The following EED variants were observed in gnomAD, a reference collection of about 807,000 sequenced individuals.
EED encodes the protein polycomb protein EED.
Under a neutral mutation model 61.0 loss-of-function variants are expected in EED, and 9 were observed. The ratio of observed to expected loss-of-function variants is 0.15; its 90% confidence interval spans 0.09 to 0.26. The LOEUF is 0.26. Ranked by LOEUF, EED falls within the 10% of genes least tolerant of loss-of-function variation. EED has a pLI of 1.00. For synonymous variants in EED, 187 were observed against 174.4 expected (o/e 1.07, Z -0.57); for missense variants, 315 against 542.3 (o/e 0.58, Z 4.16).
At chr11:86,275,596 C>T (rs1012961247) in intron 9 of EED, among the ~76,000 whole-genome samples, 3 of 152,180 alleles carry the variant, frequency 2.0e-5, no homozygotes, top group African/African-American at 7.2e-5. Flanking sequence ...TCCAGGGACT[C>T]CAGTACTTAA....
At chr11:86,253,623 A>AT (rs1451081275) in intron 3 of EED, among the ~76,000 whole-genome samples, 1 of 152,226 alleles carries the variant, frequency 6.6e-6, no homozygotes, top group African/African-American at 2.4e-5. Context: ...CATATAAAGA[A>AT]TTTTTTTTGA....
At chr11:86,261,480 C>A (rs1357838318) in intron 6 of EED, among the ~76,000 whole-genome samples, 1 of 152,208 alleles carries the variant, frequency 6.6e-6, no homozygotes, top group Non-Finnish European at 1.5e-5. Context: ...GCAGCTCTTG[C>A]AGGCTGGTGG....
rs2138112749 is a variant in EED, at chr11:86,245,220, G to C, written c.-10G>C. The stretch of plus-strand genomic sequence containing the variant: ...CCAGGCGGCAGGAACCTGGAGGGAG[G>C]CGGAGGAATATGTCCGAGAGGGAAG... On this transcript the variant is annotated 5_prime_UTR_variant, in exon 1 of 12. Coordinates refer to ENST00000263360, the MANE Select transcript of EED (RefSeq NM_003797.5). The C allele has an allele frequency of 6.2e-7, 1 of 1,610,516 alleles. No individual in the cohort carries two copies. Among genetic ancestry groups the C allele is most frequent in the African/African-American group, 1.3e-5 (1 of 74,782 alleles).
chr11:86,278,386 GT>G lies in EED; in HGVS notation c.1200-7del. The G allele has an allele frequency of 6.2e-7, 1 of 1,610,804 alleles. No homozygotes were observed. The highest frequency in any genetic ancestry group is 8.5e-7 in the Non-Finnish European group (1 of 1,177,960). Reference sequence around the variant, plus strand: ...TGTGTGGTCTTTAACCTGTTGTCATGTTTTTTCCCTAGATGTACAACACTGA... The same window carrying G: ...TGTGTGGTCTTTAACCTGTTGTCATGTTTTTCCCTAGATGTACAACACTGA... On this transcript the variant is annotated splice_polypyrimidine_tract_variant and intron_variant, in intron 11 of 11. Coordinates refer to ENST00000263360, the MANE Select transcript of EED (RefSeq NM_003797.5).
chr11:86,264,366 C>T, intron 7 of EED, 103 bp downstream of exon 7: 1 of 735,936 alleles, frequency 1.4e-6, no homozygotes, highest in Admixed American at 2.4e-5. Flanking sequence ...TGTAGCCTGT[C>T]AGGCAGACAT....
At chr11:86,262,840 G>C (rs1477273309) in intron 6 of EED, among the ~76,000 whole-genome samples, 1 of 148,400 alleles carries the variant, frequency 6.7e-6, no homozygotes, top group Non-Finnish European at 1.5e-5. Flanking sequence ...TTAAAGACAG[G>C]GTTGGTCTCT....
intron 9 of EED, 33 bp downstream of exon 9, chr11:86,268,594 C>CGTGTGTGGGT (rs1946038575): frequency 1.3e-6 from 1 of 768,776 alleles, no homozygotes. Context: ...GTACTTCCAT[C>CGTGTGTGGGT]GTGTGTGTGT....
chr11:86,261,614 G>T (rs114924507), intron 6 of EED, among the ~76,000 whole-genome samples: 1 of 152,300 alleles, frequency 6.6e-6, no homozygotes, highest in Non-Finnish European at 1.5e-5. Flanking sequence ...TCTGCCTGGA[G>T]CCCCAGGCTC....
At chr11:86,284,472 AC>A in the EED span, 1 of 152,234 alleles carries the variant, frequency 6.6e-6, no homozygotes, top group Non-Finnish European at 1.5e-5. Context: ...GGAAGTGCAC[AC>A]CTAGCTGACC....
chr11:86,262,800 A>G (rs1450328945), intron 6 of EED, among the ~76,000 whole-genome samples: 2 of 143,306 alleles, frequency 1.4e-5, no homozygotes. Context: ...ATGAGCTACC[A>G]CACCTGGCCT....
intron 8 of EED, among the ~76,000 whole-genome samples, chr11:86,267,427 A>G (rs1310467287): frequency 6.6e-6 from 1 of 152,214 alleles, no homozygotes; most frequent in African/African-American, 2.4e-5. Flanking sequence ...TTATACAGCT[A>G]TTTCTGATTT....
chr11:86,275,790 GA>G (rs1409360432), intron 9 of EED, among the ~76,000 whole-genome samples: 1 of 152,212 alleles, frequency 6.6e-6, no homozygotes, highest in Non-Finnish European at 1.5e-5. Flanking sequence ...ATTTAGCCAA[GA>G]GTCATCACAC....
intron 9 of EED, among the ~76,000 whole-genome samples, chr11:86,274,645 A>C (rs1946188412): frequency 6.6e-6 from 1 of 152,158 alleles, no homozygotes; most frequent in East Asian, 1.9e-4. Flanking sequence ...CGTAGGCCTC[A>C]GCTGATACCA....
At chr11:86,262,126 T>C (rs1283530165) in intron 6 of EED, among the ~76,000 whole-genome samples, 1 of 152,046 alleles carries the variant, frequency 6.6e-6, no homozygotes. Flanking sequence ...AAATGATCCT[T>C]CCACCTCAGC....
At chr11:86,270,416 C>T (rs1483823993) in intron 9 of EED, among the ~76,000 whole-genome samples, 5 of 148,272 alleles carry the variant, frequency 3.4e-5, no homozygotes, top group Non-Finnish European at 5.9e-5. Flanking sequence ...AATATGAATC[C>T]TGTATCAGAT....
chr11:86,285,111 A>G, the EED span, among the ~76,000 whole-genome samples: 1 of 151,940 alleles, frequency 6.6e-6, no homozygotes, highest in African/African-American at 2.4e-5. Context: ...ACTCTGTCTC[A>G]AAAACGAAAA....
At position 86,245,106 on chromosome 11, in the gene EED, G is replaced by A. The variant is rs2291812; in HGVS notation, c.-124G>A. 68 of 679,688 alleles carry A rather than the reference G, an allele frequency of 1.0e-4. No individual in the cohort carries two copies. The highest frequency in any genetic ancestry group is 1.5e-4 in the Non-Finnish European group (63 of 412,386). 42.1% of individuals were successfully genotyped at this position (679,688 alleles called of 1,614,324 possible). On this transcript the variant is annotated 5_prime_UTR_variant, in exon 1 of 12. Transcript: ENST00000263360. ...GGCTGGGCGCGATTTGCGACAGTGG[G>A]GGGGGCGGTGGAGGTGGCGGCGGCA...
chr11:86,245,492 G>C, intron 1 of EED, 149 bp downstream of exon 1: 1 of 689,480 alleles, frequency 1.5e-6, no homozygotes, highest in East Asian at 2.8e-5. Flanking sequence ...AATTGAAATT[G>C]CCTACGGGGA....
chr11:86,255,096 G>T (rs903804012), intron 3 of EED, 126 bp from the exon 4 acceptor site: 2 of 642,256 alleles, frequency 3.1e-6, no homozygotes, highest in Non-Finnish European at 5.3e-6. Flanking sequence ...CTCACAGGAG[G>T]TATTTTAAGG....
Sources: gnomAD v4.1 joint callset for allele counts (sites outside exome capture counted in the v4.1 genomes callset) on GRCh38, gnomAD v4.1.1 for gene constraint, MANE v1.5 for transcripts, NCBI Gene and HGNC (gene_info 2026-07-23, HGNC 2026-07-21) for gene names.